STK25: variants seen among roughly 807,000 people sequenced by gnomAD.
The protein encoded by STK25 is serine/threonine kinase 25, also known as serine/threonine-protein kinase 25.
STK25 carries 29 observed loss-of-function variants against 53.8 expected under a neutral mutation model. That is an observed-to-expected ratio of 0.54 (90% CI 0.40 to 0.74). STK25 has a LOEUF of 0.74. Ranked by LOEUF, STK25 falls within the 30% of genes least tolerant of loss-of-function variation. The pLI is 0.00. For synonymous variants in STK25, 247 were observed against 238.3 expected (o/e 1.04, Z -0.33); for missense variants, 420 against 568.0 (o/e 0.74, Z 2.65).
chr2:241,500,692 G>A, intron 4 of STK25, 48 bp downstream of exon 4: 1 of 1,593,324 alleles, frequency 6.3e-7, no homozygotes, highest in Non-Finnish European at 8.6e-7. Flanking sequence ...TGAGGGGCAG[G>A]GGACTCGGAC....
At chr2:241,502,089 G>A (rs1420166916) in intron 2 of STK25, 8 of 210,686 alleles carry the variant, frequency 3.8e-5, no homozygotes, top group Admixed American at 1.1e-4. Context: ...GCTTGAACCC[G>A]GGAGGCGGAG....
At position 241,496,299 on chromosome 2, in the gene STK25, C is replaced by A; in HGVS notation, c.1241+99G>T. 6.9e-7 allele frequency: 1 copy of A among 1,454,236 alleles called. No individual in the cohort carries two copies. The highest frequency in any genetic ancestry group is 1.2e-5 in the South Asian group (1 of 80,030). The allele number at this position is 1,454,236 out of a possible 1,614,324, so 90.1% of individuals were successfully genotyped here. A position where few individuals can be genotyped will look rare whatever the true frequency, so the allele number is the denominator to read the frequency against. On this transcript the variant is annotated intron_variant, in intron 11 of 11. Transcript: ENST00000316586. The surrounding 1 kb of genome is among the most constrained non-coding windows in gnomAD (Gnocchi z 5.8). ...AGAGTGAAGCGAGCCCATGTAGTGC[C>A]AAATGCAGCCACACCCACGAGTGAG...
intron 5 of STK25, 152 bp downstream of exon 5, chr2:241,500,021 G>A (rs1202898170): frequency 1.3e-5 from 9 of 716,000 alleles, no homozygotes; most frequent in South Asian, 5.9e-5. Context: ...GAAAGGGAGC[G>A]AGACAGGACT....
intron 8 of STK25, 86 bp downstream of exon 8, chr2:241,498,553 C>A (rs2065316390): frequency 4.0e-6 from 6 of 1,498,638 alleles, no homozygotes; most frequent in Non-Finnish European, 5.4e-6. Context: ...CACCCTCACC[C>A]CCAGGGCCCA....
At chr2:241,508,616 T>G (rs539350255), upstream of STK25, 2 of 986,478 alleles carry the variant, frequency 2.0e-6, no homozygotes, top group Non-Finnish European at 2.4e-6. Context: ...GTGCTCGGCG[T>G]CGCGGCCCGC....
upstream of STK25, chr2:241,508,649 G>C (rs980485399): frequency 1.0e-6 from 1 of 986,490 alleles, no homozygotes; most frequent in Non-Finnish European, 1.2e-6. Flanking sequence ...GGGACCCCGA[G>C]TCCCACCGCC....
intron 2 of STK25, among the ~76,000 whole-genome samples, chr2:241,506,638 A>G (rs1163551618): frequency 6.6e-6 from 1 of 152,166 alleles, no homozygotes; most frequent in Non-Finnish European, 1.5e-5. Flanking sequence ...ATGGTGGCGC[A>G]TGCCTGTAAT....
At chr2:241,497,582 G>A (rs909380694) in intron 10 of STK25, 34 bp downstream of exon 10, 13 of 1,607,352 alleles carry the variant, frequency 8.1e-6, no homozygotes, top group East Asian at 2.2e-5. Context: ...TGTCCTTGAC[G>A]GGACTCCAGG....
At chr2:241,506,446 C>T (rs1681266051) in intron 2 of STK25, among the ~76,000 whole-genome samples, 1 of 152,202 alleles carries the variant, frequency 6.6e-6, no homozygotes, top group Non-Finnish European at 1.5e-5. Flanking sequence ...ATCCTGTGAC[C>T]CAAAGGAGTT....
Position 241,508,444 on chromosome 2 carries a change from TC to T in STK25, c.-103del. 1 of 1,069,036 alleles carries T rather than the reference TC, an allele frequency of 9.4e-7. No individual in the cohort carries two copies. The allele number at this position is 1,069,036 out of a possible 1,614,324, so 66.2% of individuals were successfully genotyped here. Reference sequence around the variant, plus strand: ...CGCCCCGCCCGGCAGCGCGCCCACCTCCGCGGGGCTCCATCCCGGCCTCCCC... The same window carrying T: ...CGCCCCGCCCGGCAGCGCGCCCACCTCGCGGGGCTCCATCCCGGCCTCCCC... On this transcript the variant is annotated splice_region_variant and 5_prime_UTR_variant, in exon 1 of 12. An upstream open reading frame in the 5' UTR loses its in-frame stop. Coordinates refer to ENST00000316586, the MANE Select transcript of STK25 (RefSeq NM_001271977.2).
At chr2:241,498,949 C>T (rs34335673) in intron 7 of STK25, 40 bp downstream of exon 7, 308 of 1,612,428 alleles carry the variant, frequency 1.9e-4, no homozygotes, top group African/African-American at 7.6e-4. Context: ...CCTCCCTCCA[C>T]GTCCTGTCTA....
intron 5 of STK25, 50 bp from the exon 6 acceptor site, chr2:241,499,464 A>T (rs1333991856): frequency 1.3e-6 from 2 of 1,585,518 alleles, no homozygotes; most frequent in African/African-American, 2.7e-5. Flanking sequence ...ACGTGGCTCC[A>T]CCCCGGGCCC....
chr2:241,493,578 C>CAAAAA lies in STK25; in HGVS notation c.*2079_*2083dup, dbSNP rs1263766121. 1.4e-4 allele frequency: 99 copies of CAAAAA among 719,474 alleles called. No homozygotes were observed. The highest frequency in any genetic ancestry group is 8.3e-5 in the Admixed American group (3 of 36,046). 44.6% of individuals were successfully genotyped at this position (719,474 alleles called of 1,614,324 possible). A position where few individuals can be genotyped will look rare whatever the true frequency, so the allele number is the denominator to read the frequency against. On this transcript the variant is annotated 3_prime_UTR_variant, in exon 12 of 12. Transcript: ENST00000316586. ...GGCTGAGCAATGCTTCCAGCATTTC[C>CAAAAA]AAAAAACAGCAATGCTTTGTTTTTT...
intron 5 of STK25, 24 bp from the exon 6 acceptor site, chr2:241,499,438 C>T (rs763899026): frequency 4.4e-6 from 7 of 1,608,714 alleles, no homozygotes; most frequent in Non-Finnish European, 5.1e-6. Flanking sequence ...GACAGGCAGG[C>T]GTCATCCCAG....
In STK25 at chr2:241,496,069, G is replaced by A. The variant is rs1405157511; in HGVS notation, c.1241+329C>T. Reference sequence around the variant, plus strand: ...GCAGCTCTGACGTTTTGCCACCAGCGTGTCAGAGTAGCTCCCGGGAGCCAC... The same window carrying A: ...GCAGCTCTGACGTTTTGCCACCAGCATGTCAGAGTAGCTCCCGGGAGCCAC... On this transcript the variant is annotated intron_variant, in intron 11 of 11. Coordinates refer to ENST00000316586, the MANE Select transcript of STK25 (RefSeq NM_001271977.2). The surrounding 1 kb of genome is among the most constrained non-coding windows in gnomAD (Gnocchi z 5.8). Among the ~76,000 whole-genome samples, 9 of 152,170 alleles carry A rather than the reference G, an allele frequency of 5.9e-5. No homozygotes were observed. The highest frequency in any genetic ancestry group is 9.7e-5 in the African/African-American group (4 of 41,438).
intron 9 of STK25, 70 bp downstream of exon 9, chr2:241,498,165 G>A: frequency 7.1e-7 from 1 of 1,417,128 alleles, no homozygotes; most frequent in Admixed American, 1.7e-5. Context: ...GGACAAAGCT[G>A]GGTCCCGCAT....
In STK25 at chr2:241,501,884, T is replaced by G. The variant is rs1574952712; in HGVS notation, c.31-176A>C. The stretch of plus-strand genomic sequence containing the variant: ...CTCCCTTTTTGTTCAAAAACTAAAC[T>G]TGGCCGGGCGTGGTGGCTCACGCCT... On this transcript the variant is annotated intron_variant, in intron 2 of 11. Coordinates refer to ENST00000316586, the MANE Select transcript of STK25 (RefSeq NM_001271977.2). This position sits in a 1 kb window ranked among gnomAD's most constrained non-coding sequence, Gnocchi z 5.3. 5.1e-6 allele frequency: 3 copies of G among 589,294 alleles called. No homozygotes were observed. In the East Asian group the frequency reaches 8.6e-5, roughly 17 times the overall value. 36.5% of individuals were successfully genotyped at this position (589,294 alleles called of 1,614,324 possible). A position where few individuals can be genotyped will look rare whatever the true frequency, so the allele number is the denominator to read the frequency against.
At position 241,495,337 on chromosome 2, in the gene STK25, A is replaced by T; in HGVS notation, c.*325T>A. The T allele has an allele frequency of 3.1e-6, 1 of 325,924 alleles. No individual in the cohort carries two copies. The highest frequency in any genetic ancestry group is 5.8e-6 in the Non-Finnish European group (1 of 171,526). The allele number at this position is 325,924 out of a possible 1,614,324, so 20.2% of individuals were successfully genotyped here. A position where few individuals can be genotyped will look rare whatever the true frequency, so the allele number is the denominator to read the frequency against. On this transcript the variant is annotated 3_prime_UTR_variant, in exon 12 of 12. Coordinates refer to ENST00000316586, the MANE Select transcript of STK25 (RefSeq NM_001271977.2). ...GCTCTGCGCCTTGGTCTGAGCGGCC[A>T]TAGGGCTGCATGAGTCTGCAGAAGA...
Position 241,494,284 on chromosome 2 carries a change from G to C in STK25, c.*1378C>G. ...GTGGGCCTCATGTAACATCTGGGAG[G>C]GGCTTCATCCCCCCACCCAGGACCT... On this transcript the variant is annotated 3_prime_UTR_variant, in exon 12 of 12. Transcript: ENST00000316586. This position sits in a 1 kb window ranked among gnomAD's most constrained non-coding sequence, Gnocchi z 4.9. 2 of 428,014 alleles carry C rather than the reference G, an allele frequency of 4.7e-6. No individual in the cohort carries two copies. Among genetic ancestry groups the C allele is most frequent in the Non-Finnish European group, 4.2e-6 (1 of 237,636 alleles). The allele number at this position is 428,014 out of a possible 1,614,324, so 26.5% of individuals were successfully genotyped here.
Sources: gnomAD v4.1 joint callset for allele counts (sites outside exome capture counted in the v4.1 genomes callset) on GRCh38, gnomAD v4.1.1 for gene constraint, Gnocchi (gnomAD v3.1) non-coding constraint, MANE v1.5 for transcripts, NCBI Gene and HGNC (gene_info 2026-07-23, HGNC 2026-07-21) for gene names.